LMBR1: variants seen among roughly 807,000 people sequenced by gnomAD.
LMBR1 encodes the protein limb region 1 protein homolog.
A neutral mutation model predicts 73.9 loss-of-function variants in LMBR1; 52 were observed. The observed-to-expected ratio is 0.70, with a 90% CI of 0.56 to 0.89. The LOEUF (loss-of-function observed/expected upper bound fraction) is 0.89. Among genes scored for constraint, LMBR1 ranks in the 40% least tolerant of loss-of-function variants. The probability of loss-of-function intolerance (pLI) is 0.00; values close to 1 mark genes in which losing one functional copy is unlikely to be tolerated. For missense variants in LMBR1, 539 were observed against 579.8 expected, an observed-to-expected ratio of 0.93 and a Z score of 0.72; for synonymous variants, 215 against 209.4, an observed-to-expected ratio of 1.03 and a Z score of -0.23.
chr7:156,786,674 A>G (rs1458154432), intron 5 of LMBR1, among the ~76,000 whole-genome samples: 2 of 152,332 alleles, frequency 1.3e-5, no homozygotes, highest in East Asian at 1.9e-4. Context: ...TAGAAAAGCT[A>G]GCAGAAAACA....
chr7:156,796,339 T>C (rs750108738), intron 5 of LMBR1, 50 bp downstream of exon 5: 5 of 1,197,372 alleles, frequency 4.2e-6, no homozygotes, highest in South Asian at 1.4e-5. Context: ...ATGTGAATGA[T>C]ATTTAATTCC....
At chr7:156,873,469 C>T (rs1309852500) in intron 1 of LMBR1, among the ~76,000 whole-genome samples, 2 of 152,258 alleles carry the variant, frequency 1.3e-5, no homozygotes, top group Non-Finnish European at 2.9e-5. Context: ...GTGACCCGAG[C>T]GGGTTGCCAA....
chr7:156,729,475 CTTTT>C (rs5888691), intron 10 of LMBR1, among the ~76,000 whole-genome samples: 1 of 120,788 alleles, frequency 8.3e-6, no homozygotes, highest in Non-Finnish European at 1.7e-5. Flanking sequence ...CCCTTCTATT[CTTTT>C]TTTTTTTTTT....
At chr7:156,772,709 G>A (rs1054396645) in intron 5 of LMBR1, among the ~76,000 whole-genome samples, 5 of 152,052 alleles carry the variant, frequency 3.3e-5, no homozygotes, top group Non-Finnish European at 7.4e-5. Flanking sequence ...TTAGCTGGGC[G>A]TGGTGGCAGG....
At chr7:156,815,413 C>A (rs944418664) in intron 4 of LMBR1, among the ~76,000 whole-genome samples, 1 of 151,990 alleles carries the variant, frequency 6.6e-6, no homozygotes, top group Non-Finnish European at 1.5e-5. Context: ...CAAATAAATA[C>A]CCCAACTAAT....
rs564378515 is a variant in LMBR1 at position 156,764,178 on chromosome 7, G to T, written c.424-383C>A. Among the ~76,000 whole-genome samples, 1 of 152,230 alleles carries T rather than the reference G, an allele frequency of 6.6e-6. No homozygotes were observed. The highest frequency in any genetic ancestry group is 1.9e-4 in the East Asian group (1 of 5,182). ...GTTCAGTGAGCACTGAACTTGGTGC[G>T]CCACAATGCTCCGAGCTGCTGGAGA... On this transcript the variant is annotated intron_variant, in intron 5 of 16. Transcript: ENST00000353442.
chr7:156,761,563 A>G (rs957705458), intron 8 of LMBR1, among the ~76,000 whole-genome samples: 48 of 152,214 alleles, frequency 3.2e-4, no homozygotes, highest in African/African-American at 1.2e-3. Context: ...AAATATTTGT[A>G]AATTTTGTCC....
chr7:156,727,905 G>A (rs1816086724), intron 12 of LMBR1, 25 bp downstream of exon 12: 7 of 1,558,562 alleles, frequency 4.5e-6, no homozygotes, highest in Non-Finnish European at 6.2e-6. Flanking sequence ...GCAAAAGAAA[G>A]ACATTTTAAA....
chr7:156,886,598 G>GA (rs1314750775), intron 1 of LMBR1, among the ~76,000 whole-genome samples: 2 of 152,204 alleles, frequency 1.3e-5, no homozygotes, highest in African/African-American at 4.8e-5. Context: ...CAAAGCTATA[G>GA]TTATGGCTTG....
intron 9 of LMBR1, among the ~76,000 whole-genome samples, chr7:156,742,755 CTTG>C (rs745951761): frequency 2.0e-5 from 3 of 152,118 alleles, no homozygotes; most frequent in Non-Finnish European, 4.4e-5. Context: ...CTTCCAAACT[CTTG>C]TTAAGGGGCC....
At chr7:156,704,766 A>C (rs1810554316) in intron 15 of LMBR1, among the ~76,000 whole-genome samples, 1 of 151,512 alleles carries the variant, frequency 6.6e-6, no homozygotes, top group Non-Finnish European at 1.5e-5. Context: ...AAAAAAAAAA[A>C]AAACCAGAAA....
rs200705164 is a variant in LMBR1, at chr7:156,782,533, TTTTG to T, written c.423+13852_423+13855del. Reference sequence around the variant, plus strand: ...CCTACTAGGAGGTATCTCATTGCAGTTTTGTTTGTTTGTTTGTTTGTTTGTTTTT... The same window carrying T: ...CCTACTAGGAGGTATCTCATTGCAGTTTTGTTTGTTTGTTTGTTTGTTTTT... On this transcript the variant is annotated intron_variant, in intron 5 of 16. Transcript: ENST00000353442. Among the ~76,000 whole-genome samples the T allele has an allele frequency of 3.1e-3, 469 of 152,006 alleles. 11 individuals are homozygous for T. The East Asian group carries it at 0.06, about 19-fold the overall frequency.
chr7:156,881,577 C>G (rs1490668679), intron 1 of LMBR1, among the ~76,000 whole-genome samples: 1 of 152,072 alleles, frequency 6.6e-6, no homozygotes, highest in Non-Finnish European at 1.5e-5. Context: ...AACTGTATAT[C>G]TGAAAAGGGG....
intron 5 of LMBR1, among the ~76,000 whole-genome samples, chr7:156,777,276 T>G (rs1261188501): frequency 6.6e-6 from 1 of 152,202 alleles, no homozygotes; most frequent in Non-Finnish European, 1.5e-5. Flanking sequence ...CTTTTTTATC[T>G]ATAATCTCAT....
At chr7:156,768,180 G>A (rs1481641622) in intron 5 of LMBR1, among the ~76,000 whole-genome samples, 1 of 152,072 alleles carries the variant, frequency 6.6e-6, no homozygotes, top group African/African-American at 2.4e-5. Context: ...GAGGTCAGGA[G>A]TTCAAGACCA....
In LMBR1 at chr7:156,701,442, G is replaced by T. The variant is rs187030423; in HGVS notation, c.1226-13251C>A. Among the ~76,000 whole-genome samples, 29 of 152,244 alleles carry T rather than the reference G, an allele frequency of 1.9e-4. No homozygotes were observed. The East Asian group carries it at 5.4e-3, about 28-fold the overall frequency. ...ATGAGTAGAAGAAGTCAGGTAAATG[G>T]TACATATTGTATGATTTCATATATA... is the stretch of plus-strand genomic sequence containing the variant. On this transcript the variant is annotated intron_variant, in intron 15 of 16. Transcript: ENST00000353442.
At chr7:156,736,703 T>C in intron 9 of LMBR1, 1 of 406,810 alleles carries the variant, frequency 2.5e-6, no homozygotes, top group South Asian at 1.8e-5. Flanking sequence ...TCATTTTAGC[T>C]AGATTGATAT....
At chr7:156,854,324 A>G (rs1433226820) in intron 1 of LMBR1, among the ~76,000 whole-genome samples, 2 of 152,248 alleles carry the variant, frequency 1.3e-5, no homozygotes, top group African/African-American at 4.8e-5. Context: ...GACTAACTAG[A>G]GAGAGAAAAA....
chr7:156,844,472 ACAGAGT>A lies in LMBR1; in HGVS notation c.67-7593_67-7588del, dbSNP rs1432048762. ...CTAAAGTTGTAAGTCTCTTCCAGAG[ACAGAGT>A]CAGAGGGATGAGTGAAATAAAAGAA... is the stretch of plus-strand genomic sequence containing the variant. On this transcript the variant is annotated intron_variant, in intron 1 of 16. Transcript: ENST00000353442. 4.6e-5 allele frequency among the ~76,000 whole-genome samples: 7 copies of A among 152,188 alleles called. No homozygotes were observed. The South Asian group carries it at 1.2e-3, about 27-fold the overall frequency.
Sources: gnomAD v4.1 joint callset for allele counts (sites outside exome capture counted in the v4.1 genomes callset) on GRCh38, gnomAD v4.1.1 for gene constraint, MANE v1.5 for transcripts, NCBI Gene and HGNC (gene_info 2026-07-23, HGNC 2026-07-21) for gene names.